OGFOD3: variants seen among roughly 807,000 people sequenced by gnomAD.
OGFOD3 encodes the protein 2-oxoglutarate and iron dependent oxygenase domain containing 3, also known as 2-oxoglutarate and iron-dependent oxygenase domain-containing protein 3.
OGFOD3 carries 35 observed loss-of-function variants against 39.8 expected under a neutral mutation model. The ratio of observed to expected loss-of-function variants is 0.88; its 90% CI spans 0.67 to 1.17. The LOEUF is 1.17. OGFOD3 is among the 50% of genes most tolerant of loss of function. The pLI is 0.00. For missense variants in OGFOD3, 438 were observed against 454.5 expected (o/e 0.96, Z 0.33); for synonymous variants, 200 against 192.0 (o/e 1.04, Z -0.34).
intron 3 of OGFOD3, among the ~76,000 whole-genome samples, chr17:82,410,939 C>G (rs544103778): frequency 2.1e-3 from 318 of 151,584 alleles, no homozygotes; most frequent in African/African-American, 6.8e-3. Context: ...AGGCTGGTGT[C>G]GATCTCCTGA....
At position 82,415,419 on chromosome 17, in the gene OGFOD3, C is replaced by A; in HGVS notation, c.283G>T (p.Asp95Tyr). ...FIEVPCSEDY[D>Y]SHRRFEGCTP... ...CTACCTTCGAACCTGCGGTGACTGTCGTAGTCCTCAGAGCAGGGCACCTCG... is the reference window on the plus strand; with the variant it reads ...CTACCTTCGAACCTGCGGTGACTGTAGTAGTCCTCAGAGCAGGGCACCTCG... The change falls in exon 2 of 9, where the codon GAC becomes TAC. Residue 95 changes from aspartate (D) to tyrosine (Y), a missense_variant. Transcript: ENST00000313056. This position sits in a 1 kb window ranked among gnomAD's most constrained non-coding sequence, Gnocchi z 5.3. The A allele has an allele frequency of 6.2e-7, 1 of 1,613,874 alleles. No homozygotes were observed. The highest frequency in any genetic ancestry group is 1.1e-5 in the South Asian group (1 of 91,032).
intron 1 of OGFOD3, among the ~76,000 whole-genome samples, chr17:82,417,951 TC>T (rs2143321689): frequency 6.6e-6 from 1 of 152,280 alleles, no homozygotes; most frequent in East Asian, 1.9e-4. Context: ...CATTTTAAAA[TC>T]CTAAAACTAA....
At position 82,409,005 on chromosome 17, in the gene OGFOD3, C is replaced by T. The variant is rs373267614; in HGVS notation, c.423+363G>A. ...GCCCTGCTGTTTCCCGGCAGCTCCA[C>T]GGGCTCTCCTGTGTCCAGCATGCGC... On this transcript the variant is annotated intron_variant, in intron 4 of 8. Coordinates refer to ENST00000313056, the MANE Select transcript of OGFOD3 (RefSeq NM_024648.3). Among the ~76,000 whole-genome samples, 309 of 152,354 alleles carry T rather than the reference C, an allele frequency of 2.0e-3. 7 individuals are homozygous for T. The South Asian group carries it at 0.059, about 29-fold the overall frequency.
chr17:82,413,588 G>A (rs998257749), intron 2 of OGFOD3, among the ~76,000 whole-genome samples: 2 of 152,112 alleles, frequency 1.3e-5, no homozygotes, highest in South Asian at 2.1e-4. Flanking sequence ...AAAAATTAGA[G>A]GCCAGGCGCA....
intron 8 of OGFOD3, chr17:82,396,494 T>C (rs982505191): frequency 6.6e-6 from 1 of 152,126 alleles, no homozygotes; most frequent in Non-Finnish European, 1.5e-5. Context: ...CAATTAGACA[T>C]GTATGACATC....
At chr17:82,418,162 C>G (rs1052512123) in intron 1 of OGFOD3, among the ~76,000 whole-genome samples, 3 of 152,330 alleles carry the variant, frequency 2.0e-5, no homozygotes, top group African/African-American at 7.2e-5. Flanking sequence ...AGCAAAGCCC[C>G]CTTCTCTTTC....
chr17:82,400,919 GC>G (rs897188527), intron 7 of OGFOD3: 9 of 152,174 alleles, frequency 5.9e-5, no homozygotes, highest in African/African-American at 1.9e-4. Flanking sequence ...TCGGTCAGGG[GC>G]CATGGAAGGA....
At position 82,416,836 on chromosome 17, in the gene OGFOD3, A is replaced by AT. The variant is rs532990082; in HGVS notation, c.75-1210dup. The stretch of plus-strand genomic sequence containing the variant: ...CAGGCGTGCACCACCACCCCCAGCT[A>AT]TTTTTTTGTATTTTTAGTAATAGAG... On this transcript the variant is annotated intron_variant, in intron 1 of 8. Coordinates refer to ENST00000313056, the MANE Select transcript of OGFOD3 (RefSeq NM_024648.3). 4.0e-3 allele frequency among the ~76,000 whole-genome samples: 605 copies of AT among 151,596 alleles called. 8 individuals carry two copies. The highest frequency in any genetic ancestry group is 0.014 in the African/African-American group (578 of 41,316).
Position 82,392,091 on chromosome 17 carries a change from G to A in OGFOD3, c.*307C>T. The A allele has an allele frequency of 2.6e-6, 1 of 385,546 alleles. No individual in the cohort carries two copies. The allele number at this position is 385,546 out of a possible 1,614,324, so 23.9% of individuals were successfully genotyped here. A position where few individuals can be genotyped will look rare whatever the true frequency, so the allele number is the denominator to read the frequency against. ...CCTGGACGAGTCCCGGGGGGTTGCT[G>A]AACCTGGGTGGATGAGTCCCGTCCA... is the stretch of plus-strand genomic sequence containing the variant. On this transcript the variant is annotated 3_prime_UTR_variant, in exon 9 of 9. Transcript: ENST00000313056. This position sits in a 1 kb window ranked among gnomAD's most constrained non-coding sequence, Gnocchi z 4.2.
In OGFOD3 at chr17:82,406,425, G is replaced by C; in HGVS notation, c.481C>G (p.Leu161Val). Residue 161 changes from leucine to valine, a missense_variant, in exon 5 of 9, where the codon CTG (leucine) becomes GTG (valine). By Grantham distance (32) the Leu-to-Val change is conservative (BLOSUM62 1). Coordinates refer to ENST00000313056, the MANE Select transcript of OGFOD3 (RefSeq NM_024648.3). This position sits in a 1 kb window ranked among gnomAD's most constrained non-coding sequence, Gnocchi z 5.2. ...ALSVGKHFVN[L>V]YRYFGDKIQN... ...TCATGCTGCAGCACTCACCTGTACA[G>C]GTTCACAAAGTGCTTCCCGACAGAC... 1 of 1,614,068 alleles carries C rather than the reference G, an allele frequency of 6.2e-7. No individual in the cohort carries two copies. The highest frequency in any genetic ancestry group is 8.5e-7 in the Non-Finnish European group (1 of 1,179,990).
chr17:82,398,016 C>A (rs935762741), intron 8 of OGFOD3, among the ~76,000 whole-genome samples, 180 bp downstream of exon 8: 5 of 152,020 alleles, frequency 3.3e-5, no homozygotes, highest in African/African-American at 1.2e-4. Context: ...CATGTGGCCC[C>A]GTAGACACCA....
At position 82,404,482 on chromosome 17, in the gene OGFOD3, T is replaced by C. The variant is rs2052821516; in HGVS notation, c.546-392A>G. 6.6e-6 allele frequency among the ~76,000 whole-genome samples: 1 copy of C among 152,058 alleles called. No individual in the cohort carries two copies. Among genetic ancestry groups the C allele is most frequent in the South Asian group, 2.1e-4 (1 of 4,816 alleles). On this transcript the variant is annotated intron_variant, in intron 6 of 8. Transcript: ENST00000313056. This position sits in a 1 kb window ranked among gnomAD's most constrained non-coding sequence, Gnocchi z 4.5. ...CCCCAACGTGAGTGTGCGGGGTGTG[T>C]GGACGTGGGGAGAGGGGAGTGGGTG...
At chr17:82,405,681 G>A (rs2052844039) in intron 5 of OGFOD3, among the ~76,000 whole-genome samples, 1 of 152,122 alleles carries the variant, frequency 6.6e-6, no homozygotes, top group Admixed American at 6.6e-5. Flanking sequence ...TGGGCATGGT[G>A]GTGCGTGCCT....
At chr17:82,402,102 T>C (rs1054032330) in intron 7 of OGFOD3, among the ~76,000 whole-genome samples, 3 of 152,148 alleles carry the variant, frequency 2.0e-5, no homozygotes, top group African/African-American at 7.2e-5. Context: ...TATAATACCA[T>C]TCTTTGTATT....
chr17:82,415,077 A>T lies in OGFOD3; in HGVS notation c.304+321T>A, dbSNP rs1214300182. On this transcript the variant is annotated intron_variant, in intron 2 of 8. Transcript: ENST00000313056. This position sits in a 1 kb window ranked among gnomAD's most constrained non-coding sequence, Gnocchi z 5.3. ...GGTCGTTTCTTGTTACATTTTCCCCAACATTCTCTGACTCTACCACATTCT... is the reference window on the plus strand; with the variant it reads ...GGTCGTTTCTTGTTACATTTTCCCCTACATTCTCTGACTCTACCACATTCT... Among the ~76,000 whole-genome samples the T allele has an allele frequency of 2.6e-5, 4 of 152,180 alleles. No individual in the cohort carries two copies. In the East Asian group the frequency reaches 5.8e-4, roughly 22 times the overall value.
At chr17:82,409,125 C>T (rs1213277486) in intron 4 of OGFOD3, among the ~76,000 whole-genome samples, 2 of 152,186 alleles carry the variant, frequency 1.3e-5, no homozygotes, top group South Asian at 2.1e-4. Context: ...CCAGGCAGGC[C>T]GTGACATGCC....
Position 82,406,190 on chromosome 17 carries a change from A to G in OGFOD3, c.488+228T>C, listed in dbSNP as rs1306417566. Among the ~76,000 whole-genome samples, 2 of 152,088 alleles carry G rather than the reference A, an allele frequency of 1.3e-5. No homozygotes were observed. The highest frequency in any genetic ancestry group is 2.9e-5 in the Non-Finnish European group (2 of 68,008). ...AAACACCAGATTCCCCTAAAGCTTC[A>G]TGAACAAGCCCCCTGCCCACAGGCT... On this transcript the variant is annotated intron_variant, in intron 5 of 8. Transcript: ENST00000313056. This position sits in a 1 kb window ranked among gnomAD's most constrained non-coding sequence, Gnocchi z 5.2.
At chr17:82,411,395 C>T in intron 3 of OGFOD3, 60 bp downstream of exon 3, 2 of 1,480,588 alleles carry the variant, frequency 1.4e-6, no homozygotes, top group South Asian at 1.1e-5. Flanking sequence ...TGCTTCCCGC[C>T]CTAGCCCCAC....
intron 7 of OGFOD3, 120 bp downstream of exon 7, chr17:82,403,817 C>G: frequency 7.2e-7 from 1 of 1,386,858 alleles, no homozygotes; most frequent in South Asian, 1.3e-5. Flanking sequence ...TCACCCTGCC[C>G]ACGGGCACGC....
Sources: allele counts gnomAD v4.1 joint callset (sites outside exome capture counted in the v4.1 genomes callset), GRCh38; gene constraint gnomAD v4.1.1; non-coding constraint Gnocchi (gnomAD v3.1); transcripts MANE v1.5; gene names NCBI Gene and HGNC (gene_info 2026-07-23, HGNC 2026-07-21).